Variants in TMC7 observed in about 807,000 individuals in gnomAD.
The protein encoded by TMC7 is transmembrane channel like 7, also known as transmembrane channel-like protein 7.
A neutral mutation model predicts 82.9 loss-of-function variants in TMC7; 54 were observed. The observed-to-expected ratio is 0.65, with a 90% CI of 0.52 to 0.82. The LOEUF is 0.82. TMC7 is among the 40% of genes least tolerant of loss of function. The pLI is 0.00. For synonymous variants in TMC7, 350 were observed against 337.9 expected (o/e 1.04, Z -0.39); for missense variants, 820 against 901.2 (o/e 0.91, Z 1.15).
At chr16:19,051,238 C>CT (rs35452001) in intron 12 of TMC7, among the ~76,000 whole-genome samples, 8 of 133,116 alleles carry the variant, frequency 6.0e-5, no homozygotes, top group East Asian at 2.2e-4. Flanking sequence ...CCACCAAAAT[C>CT]TTTTTTTTTT....
chr16:19,023,308 A>C, intron 5 of TMC7, 113 bp downstream of exon 5: 1 of 578,350 alleles, frequency 1.7e-6, no homozygotes, highest in Non-Finnish European at 3.0e-6. Flanking sequence ...GTGTTGGTTG[A>C]CACATGTACC....
chr16:19,041,681 A>G (rs932592736), intron 9 of TMC7, among the ~76,000 whole-genome samples: 1 of 152,058 alleles, frequency 6.6e-6, no homozygotes, highest in Admixed American at 6.6e-5. Context: ...CAACTTCATT[A>G]TATCTCTAAG....
At chr16:19,040,547 C>A in intron 9 of TMC7, 101 bp downstream of exon 9, 1 of 1,134,762 alleles carries the variant, frequency 8.8e-7, no homozygotes, top group Non-Finnish European at 1.3e-6. Context: ...GTGCATTTTC[C>A]TGCTGAGCCA....
At chr16:19,053,307 C>CTTTTTTTTTTTTTTTTTTTT (rs11409750) in intron 13 of TMC7, among the ~76,000 whole-genome samples, 1 of 148,424 alleles carries the variant, frequency 6.7e-6, no homozygotes, top group African/African-American at 2.5e-5. Flanking sequence ...CATTAATATT[C>CTTTTTTTTTTTTTTTTTTTT]TTTTTTTTTT....
At chr16:19,030,500 G>A (rs1173890173) in intron 6 of TMC7, 131 bp downstream of exon 6, 19 of 1,055,610 alleles carry the variant, frequency 1.8e-5, no homozygotes, top group Admixed American at 9.6e-5. Flanking sequence ...GGAAGGGTTT[G>A]TGAGTCCATT....
At position 19,026,913 on chromosome 16, in the gene TMC7, C is replaced by G. The variant is rs553366482; in HGVS notation, c.712-3311C>G. Among the ~76,000 whole-genome samples the G allele has an allele frequency of 3.9e-4, 59 of 150,454 alleles. No homozygotes were observed. The East Asian group carries it at 0.012, about 30-fold the overall frequency. On this transcript the variant is annotated intron_variant, in intron 5 of 15. Coordinates refer to ENST00000304381, the MANE Select transcript of TMC7 (RefSeq NM_024847.4). ...AGTAGCTGGGGTTACAGGCGCCCAC[C>G]ACCACACCCAGCTAATTTTTGTATT... is the stretch of plus-strand genomic sequence containing the variant.
intron 1 of TMC7, among the ~76,000 whole-genome samples, chr16:19,001,729 T>C (rs947802354): frequency 7.9e-5 from 12 of 151,988 alleles, no homozygotes; most frequent in Non-Finnish European, 1.8e-4. Flanking sequence ...GGTGAGTGAG[T>C]GCGGTGGAGT....
At chr16:19,056,779 T>G (rs1192538783) in intron 14 of TMC7, 82 bp downstream of exon 14, 2 of 1,470,260 alleles carry the variant, frequency 1.4e-6, no homozygotes, top group South Asian at 2.5e-5. Context: ...GGGGTCACCC[T>G]AGACTTGACA....
intron 2 of TMC7, among the ~76,000 whole-genome samples, chr16:19,009,688 C>A (rs1185052350): frequency 1.3e-5 from 2 of 151,968 alleles, no homozygotes; most frequent in African/African-American, 4.8e-5. Context: ...GCCTGTAATC[C>A]CAGCACTTTG....
intron 9 of TMC7, among the ~76,000 whole-genome samples, chr16:19,040,955 A>T (rs1350401555): frequency 6.9e-6 from 1 of 144,794 alleles, no homozygotes; most frequent in African/African-American, 2.6e-5. Flanking sequence ...CAGTGATGTG[A>T]TCATAATTCA....
chr16:19,020,593 C>T (rs906103750), intron 3 of TMC7, among the ~76,000 whole-genome samples: 5 of 152,158 alleles, frequency 3.3e-5, no homozygotes, highest in East Asian at 3.9e-4. Flanking sequence ...CAGGGCTGGG[C>T]GTGGTGGCTC....
In TMC7 at chr16:19,045,400, C is replaced by T; in HGVS notation, c.1515C>T (p.Ile505=). The T allele has an allele frequency of 6.2e-7, 1 of 1,613,966 alleles. No individual in the cohort carries two copies. The highest frequency in any genetic ancestry group is 8.5e-7 in the Non-Finnish European group (1 of 1,180,002). Residue 505 remains isoleucine (I), a synonymous_variant, in exon 11 of 16, where the codon ATC becomes ATT. Transcript: ENST00000304381. ...MYKLMIFDFI[I]ILAVTLFVDF... The stretch of plus-strand genomic sequence containing the variant: ...AGCTGATGATCTTCGACTTCATCAT[C>T]ATCTTGGCTGTGACACTCTTCGTGG...
intron 1 of TMC7, among the ~76,000 whole-genome samples, chr16:19,006,796 C>A (rs1463172962): frequency 6.6e-6 from 1 of 152,054 alleles, no homozygotes; most frequent in African/African-American, 2.4e-5. Context: ...GTGAGGATGC[C>A]CCAGGGGTTT....
intron 9 of TMC7, among the ~76,000 whole-genome samples, chr16:19,042,213 G>T (rs1210851251): frequency 6.6e-6 from 1 of 151,538 alleles, no homozygotes; most frequent in African/African-American, 2.4e-5. Context: ...TTTGAGACTG[G>T]GTCCAGGCTG....
intron 1 of TMC7, among the ~76,000 whole-genome samples, chr16:19,004,027 A>G (rs2039188854): frequency 6.2e-5 from 2 of 32,418 alleles, no homozygotes; most frequent in Middle Eastern, 0.011. Context: ...AGAATTATCA[A>G]TAAAAAAATA....
chr16:19,017,321 AT>A lies in TMC7; in HGVS notation c.460+724del, dbSNP rs777083122. Among the ~76,000 whole-genome samples the A allele has an allele frequency of 2.1e-4, 31 of 150,136 alleles. No individual in the cohort carries two copies. In the East Asian group the frequency reaches 5.8e-3, roughly 28 times the overall value. On this transcript the variant is annotated intron_variant, in intron 3 of 15. Coordinates refer to ENST00000304381, the MANE Select transcript of TMC7 (RefSeq NM_024847.4). ...AATGCATGAATAGTATTATTTAAAA[AT>A]AATATTAAATTATTTAATAATTTAA...
intron 1 of TMC7, among the ~76,000 whole-genome samples, chr16:19,004,514 G>A (rs1235077676): frequency 6.6e-6 from 1 of 151,994 alleles, no homozygotes; most frequent in East Asian, 1.9e-4. Flanking sequence ...ACAGGCACTT[G>A]CCACCATGCC....
chr16:19,004,183 A>G (rs2039194564), intron 1 of TMC7, among the ~76,000 whole-genome samples: 2 of 152,114 alleles, frequency 1.3e-5, no homozygotes, highest in Non-Finnish European at 2.9e-5. Context: ...TTATAAAAAT[A>G]ATGATGCCTG....
At chr16:19,009,489 A>T in intron 2 of TMC7, 74 bp downstream of exon 2, 1 of 1,514,400 alleles carries the variant, frequency 6.6e-7, no homozygotes, top group Non-Finnish European at 8.9e-7. Context: ...CGTGAAATGC[A>T]TTTCCTGAAG....
Sources: gnomAD v4.1 joint callset for allele counts (sites outside exome capture counted in the v4.1 genomes callset) on GRCh38, gnomAD v4.1.1 for gene constraint, MANE v1.5 for transcripts, NCBI Gene and HGNC (gene_info 2026-07-23, HGNC 2026-07-21) for gene names.